The following ELOVL7 variants were observed in gnomAD, a reference collection of about 807,000 sequenced individuals.
ELOVL7 encodes very long chain fatty acid elongase 7.
ELOVL7 carries 27 observed loss-of-function variants against 35.7 expected under a neutral mutation model. The ratio of observed to expected loss-of-function variants is 0.76; its 90% CI spans 0.56 to 1.04. The LOEUF (loss-of-function observed/expected upper bound fraction) is 1.04, where lower values mean the gene tolerates loss of function less well. Among genes scored for constraint, ELOVL7 ranks in the 50% least tolerant of loss-of-function variants. The pLI is 0.00. For missense variants in ELOVL7, 327 were observed against 340.8 expected (o/e 0.96, Z 0.32); for synonymous variants, 113 against 114.6 (o/e 0.99, Z 0.09).
chr5:60,775,038 A>C (rs1742822943), intron 3 of ELOVL7, among the ~76,000 whole-genome samples: 1 of 152,214 alleles, frequency 6.6e-6, no homozygotes, highest in South Asian at 2.1e-4. Context: ...TGCTGGGATT[A>C]CAGGCATGAG....
At chr5:60,774,229 G>A (rs1256890570) in intron 3 of ELOVL7, among the ~76,000 whole-genome samples, 1 of 152,098 alleles carries the variant, frequency 6.6e-6, no homozygotes, top group East Asian at 1.9e-4. Context: ...TATCTCTCAT[G>A]AACATAGATG....
intron 1 of ELOVL7, among the ~76,000 whole-genome samples, chr5:60,819,334 T>A (rs1165738735): frequency 6.6e-6 from 1 of 151,798 alleles, no homozygotes; most frequent in Non-Finnish European, 1.5e-5. Flanking sequence ...GACAGATGGA[T>A]GAGATGGACA....
chr5:60,769,919 C>T (rs564134665), intron 4 of ELOVL7, among the ~76,000 whole-genome samples: 40 of 152,056 alleles, frequency 2.6e-4, no homozygotes, highest in Non-Finnish European at 5.3e-4. Context: ...GACATAGTGG[C>T]GCATGCCTGT....
At chr5:60,780,051 A>G (rs1048257611) in intron 3 of ELOVL7, among the ~76,000 whole-genome samples, 1 of 151,308 alleles carries the variant, frequency 6.6e-6, no homozygotes, top group Non-Finnish European at 1.5e-5. Flanking sequence ...TTCATTGTCC[A>G]TATCACTATC....
chr5:60,830,011 CT>C (rs1746388367), intron 1 of ELOVL7, among the ~76,000 whole-genome samples: 1 of 152,158 alleles, frequency 6.6e-6, no homozygotes, highest in African/African-American at 2.4e-5. Context: ...TCTCCTCCCC[CT>C]GATCATTTCA....
intron 7 of ELOVL7, among the ~76,000 whole-genome samples, chr5:60,760,495 C>T (rs375773596): frequency 2.0e-5 from 3 of 151,790 alleles, no homozygotes; most frequent in Non-Finnish European, 4.4e-5. Context: ...TGTTTGTTTT[C>T]TTCTTGTAAA....
chr5:60,754,656 TCA>T lies in ELOVL7; in HGVS notation c.812_813del (p.Val271GlufsTer10), dbSNP rs772574850. ...YTKGQRLPKT[V>X]KNGTCKNKDN ...TCTTTGTTTTTGCAAGTTCCATTTT[TCA>T]CAGTTTTGGGCAACCTCTGACCTTT... On this transcript the variant is annotated frameshift_variant, in exon 9 of 9. Transcript: ENST00000508821. LOFTEE classifies it high-confidence loss of function. 4.3e-6 allele frequency: 7 copies of T among 1,614,190 alleles called. No individual in the cohort carries two copies. In the East Asian group the frequency reaches 6.7e-5, roughly 15 times the overall value.
chr5:60,788,664 AC>A (rs11286834), intron 2 of ELOVL7, among the ~76,000 whole-genome samples: 87,989 of 151,560 alleles, frequency 0.58, 26,274 homozygotes, highest in East Asian at 0.89. Context: ...AATCCCAGCT[AC>A]TCGGGAGGCT....
At chr5:60,794,035 G>A (rs1288082683) in intron 2 of ELOVL7, among the ~76,000 whole-genome samples, 1 of 152,200 alleles carries the variant, frequency 6.6e-6, no homozygotes, top group Non-Finnish European at 1.5e-5. Context: ...CTCACAGTCA[G>A]AGCTCAGCCT....
chr5:60,798,740 AC>A (rs770928044), intron 2 of ELOVL7, among the ~76,000 whole-genome samples: 1 of 152,324 alleles, frequency 6.6e-6, no homozygotes, highest in South Asian at 2.1e-4. Context: ...AGAGAGAGAG[AC>A]TACAATACAA....
At chr5:60,828,045 G>A (rs1332225773) in intron 1 of ELOVL7, among the ~76,000 whole-genome samples, 3 of 152,032 alleles carry the variant, frequency 2.0e-5, no homozygotes, top group Admixed American at 6.5e-5. Context: ...ACAGTGTGTC[G>A]AGGCAGCAAT....
rs1016265123 is a variant in ELOVL7 at position 60,768,726 on chromosome 5, T to C, written c.256-823A>G. On this transcript the variant is annotated intron_variant, in intron 4 of 8. Transcript: ENST00000508821. ...AAAGCCAAGGGCTCTGATTTTAACT[T>C]AACACATATATGAAATTGTTGGCTT... 3 of 455,722 alleles carry C rather than the reference T, an allele frequency of 6.6e-6. No homozygotes were observed. The Admixed American group carries it at 7.1e-5, about 11-fold the overall frequency. 28.2% of individuals were successfully genotyped at this position (455,722 alleles called of 1,614,324 possible).
intron 3 of ELOVL7, chr5:60,784,250 T>C: frequency 1.3e-6 from 1 of 775,970 alleles, no homozygotes; most frequent in Non-Finnish European, 1.9e-6. Context: ...AAGTACTTTT[T>C]GAAGTATTAA....
intron 5 of ELOVL7, 64 bp from the exon 6 acceptor site, chr5:60,766,694 T>G (rs1584165271): frequency 2.0e-6 from 3 of 1,493,706 alleles, no homozygotes; most frequent in East Asian, 2.3e-5. Context: ...TATTTTTAAA[T>G]TTTGGTAAAA....
At chr5:60,824,323 T>C (rs539990472) in intron 1 of ELOVL7, among the ~76,000 whole-genome samples, 15 of 152,222 alleles carry the variant, frequency 9.9e-5, no homozygotes, top group South Asian at 8.3e-4. Flanking sequence ...CGCTCACAAG[T>C]CGGCATTTGA....
chr5:60,843,865 A>G (rs930048321), intron 1 of ELOVL7, among the ~76,000 whole-genome samples: 1 of 151,874 alleles, frequency 6.6e-6, no homozygotes, highest in African/African-American at 2.4e-5. Context: ...GGGGCTCCCG[A>G]GAAGGCGCAG....
intron 7 of ELOVL7, among the ~76,000 whole-genome samples, 162 bp from the exon 8 acceptor site, chr5:60,757,807 G>A (rs183981824): frequency 4.0e-4 from 61 of 152,220 alleles, no homozygotes; most frequent in Non-Finnish European, 6.9e-4. Flanking sequence ...GGGCTGGATA[G>A]TATATTTAGT....
intron 2 of ELOVL7, among the ~76,000 whole-genome samples, chr5:60,790,581 C>T (rs1743877553): frequency 1.3e-5 from 2 of 152,186 alleles, no homozygotes; most frequent in Admixed American, 1.3e-4. Context: ...TGAGTTCAGA[C>T]TCAAGACTGG....
At chr5:60,777,143 C>A (rs1742956740) in intron 3 of ELOVL7, among the ~76,000 whole-genome samples, 2 of 151,588 alleles carry the variant, frequency 1.3e-5, no homozygotes, top group African/African-American at 4.9e-5. Context: ...CTAATGGGTA[C>A]AAAGAAAATA....
Sources: allele counts gnomAD v4.1 joint callset (sites outside exome capture counted in the v4.1 genomes callset), GRCh38; gene constraint gnomAD v4.1.1; transcripts MANE v1.5; gene names NCBI Gene and HGNC (gene_info 2026-07-23, HGNC 2026-07-21).